The following NALF1 variants were observed in gnomAD, a reference collection of about 807,000 sequenced individuals.
NALF1 encodes NALCN channel auxiliary factor 1, also known as family with sequence similarity 155 member A.
NALF1 carries 3 observed loss-of-function variants against 48.4 expected under a neutral mutation model. The observed-to-expected ratio is 0.06, with a 90% CI of 0.03 to 0.16. NALF1 has a LOEUF of 0.16. Among genes scored for constraint, NALF1 ranks in the 10% least tolerant of loss-of-function variants. NALF1 has a pLI of 1.00. For missense variants in NALF1, 526 were observed against 571.5 expected (o/e 0.92, Z 0.81); for synonymous variants, 262 against 245.7 (o/e 1.07, Z -0.62).
chr13:107,218,496 A>G lies in NALF1; in HGVS notation c.916-7741T>C, dbSNP rs367627134. 2.8e-4 allele frequency among the ~76,000 whole-genome samples: 43 copies of G among 152,240 alleles called. No homozygotes were observed. The East Asian group carries it at 6.8e-3, about 24-fold the overall frequency. ...GAGAGCCAGTCCACCTGGCCCTGAG[A>G]TCCTGCCCAGAGCAGAGACTCAAAC... On this transcript the variant is annotated intron_variant, in intron 1 of 2. Transcript: ENST00000375915.
chr13:107,420,898 GC>G (rs1382749588), intron 1 of NALF1, among the ~76,000 whole-genome samples: 2 of 151,948 alleles, frequency 1.3e-5, no homozygotes, highest in Admixed American at 1.3e-4. Context: ...ATAACTTCTT[GC>G]TTTTCATGTT....
In NALF1 at chr13:107,163,765, T is replaced by G. The variant is rs1878605412; in HGVS notation, c.*6732A>C. 6.6e-6 allele frequency: 1 copy of G among 152,050 alleles called. No homozygotes were observed. Among genetic ancestry groups the G allele is most frequent in the Non-Finnish European group, 1.5e-5 (1 of 68,016 alleles). The allele number at this position is 152,050 out of a possible 1,614,324, so 9.4% of individuals were successfully genotyped here. A position where few individuals can be genotyped will look rare whatever the true frequency, so the allele number is the denominator to read the frequency against. On this transcript the variant is annotated 3_prime_UTR_variant, in exon 3 of 3. Coordinates refer to ENST00000375915, the MANE Select transcript of NALF1 (RefSeq NM_001080396.3). ...TATACAGTCCTTCCTACTTTTAATA[T>G]GCCACACAACATCAACAAATCTAAG...
intron 1 of NALF1, among the ~76,000 whole-genome samples, chr13:107,546,585 AAT>A (rs1189611038): frequency 6.6e-6 from 1 of 152,010 alleles, no homozygotes; most frequent in Non-Finnish European, 1.5e-5. Flanking sequence ...TGCTAATACA[AAT>A]CAATATTTCT....
At position 107,336,368 on chromosome 13, in the gene NALF1, G is replaced by A. The variant is rs575961972; in HGVS notation, c.916-125613C>T. On this transcript the variant is annotated intron_variant, in intron 1 of 2. Transcript: ENST00000375915. Reference sequence around the variant, plus strand: ...ACTCTGTCTCGATGATGATGATGATGATAATAATAATAATAATAATAATAA... The same window carrying A: ...ACTCTGTCTCGATGATGATGATGATAATAATAATAATAATAATAATAATAA... Among the ~76,000 whole-genome samples the A allele has an allele frequency of 2.7e-4, 35 of 127,296 alleles. No individual in the cohort carries two copies. The East Asian group carries it at 7.8e-3, about 28-fold the overall frequency. 83.5% of individuals were successfully genotyped at this position (127,296 alleles called of 152,430 possible).
At chr13:107,360,026 C>A (rs1883033901) in intron 1 of NALF1, among the ~76,000 whole-genome samples, 1 of 152,072 alleles carries the variant, frequency 6.6e-6, no homozygotes, top group African/African-American at 2.4e-5. Flanking sequence ...TATTGCAAAG[C>A]CATGAGAATT....
intron 1 of NALF1, among the ~76,000 whole-genome samples, chr13:107,349,836 A>G (rs937999442): frequency 2.0e-5 from 3 of 151,560 alleles, no homozygotes; most frequent in Middle Eastern, 3.5e-3. Context: ...TTTAGGTTTT[A>G]TGTGTATCCC....
chr13:107,449,456 T>C (rs955211340), intron 1 of NALF1, among the ~76,000 whole-genome samples: 6 of 152,070 alleles, frequency 3.9e-5, no homozygotes, highest in African/African-American at 1.2e-4. Context: ...GCAAAGGGTG[T>C]ATTTGGACGA....
At chr13:107,771,873 A>C (rs1031924232) in intron 1 of NALF1, among the ~76,000 whole-genome samples, 3 of 151,906 alleles carry the variant, frequency 2.0e-5, no homozygotes, top group Admixed American at 6.6e-5. Flanking sequence ...AGTAGTTGGG[A>C]CTACAGGCAC....
At chr13:107,679,796 C>T (rs1057296914) in intron 1 of NALF1, among the ~76,000 whole-genome samples, 3 of 152,184 alleles carry the variant, frequency 2.0e-5, no homozygotes, top group African/African-American at 7.2e-5. Flanking sequence ...CTCCACCCAG[C>T]ACACTGCCAC....
At chr13:107,213,541 T>A (rs1021329561) in intron 1 of NALF1, among the ~76,000 whole-genome samples, 5 of 152,162 alleles carry the variant, frequency 3.3e-5, no homozygotes, top group Admixed American at 6.5e-5. Flanking sequence ...GGGGAAACCA[T>A]GTGAGCTGAA....
At chr13:107,423,918 A>G (rs2139010900) in intron 1 of NALF1, among the ~76,000 whole-genome samples, 1 of 152,172 alleles carries the variant, frequency 6.6e-6, no homozygotes, top group East Asian at 1.9e-4. Flanking sequence ...TACTTGCAAG[A>G]CATTTTTTGC....
At chr13:107,298,809 T>G (rs1220741151) in intron 1 of NALF1, among the ~76,000 whole-genome samples, 5 of 152,214 alleles carry the variant, frequency 3.3e-5, no homozygotes, top group Admixed American at 3.3e-4. Flanking sequence ...GTCCAGAATT[T>G]TTAAATATAC....
At chr13:107,739,427 A>G (rs1448143594) in intron 1 of NALF1, among the ~76,000 whole-genome samples, 1 of 147,344 alleles carries the variant, frequency 6.8e-6, no homozygotes, top group Non-Finnish European at 1.5e-5. Flanking sequence ...TATAACATAT[A>G]AAATATATAA....
intron 1 of NALF1, among the ~76,000 whole-genome samples, chr13:107,263,249 G>GACACACACACACACACAC (rs34637583): frequency 3.0e-4 from 42 of 138,462 alleles, no homozygotes; most frequent in Non-Finnish European, 1.1e-4. Flanking sequence ...AATGCTAACA[G>GACACACACACACACACAC]ACACACACAC....
rs189404565 is a variant in NALF1, at chr13:107,827,611, T to C, written c.915+38071A>G. Reference sequence around the variant, plus strand: ...GGCACCAGCCACCTCTAGATCAATTTCGTTCCGTCTGCTTTTAAATAATCG... The same window carrying C: ...GGCACCAGCCACCTCTAGATCAATTCCGTTCCGTCTGCTTTTAAATAATCG... On this transcript the variant is annotated intron_variant, in intron 1 of 2. Transcript: ENST00000375915. 3.3e-5 allele frequency among the ~76,000 whole-genome samples: 5 copies of C among 152,368 alleles called. No homozygotes were observed. In the East Asian group the frequency reaches 9.6e-4, roughly 29 times the overall value.
intron 1 of NALF1, among the ~76,000 whole-genome samples, chr13:107,798,988 T>C (rs1172403241): frequency 6.6e-6 from 1 of 152,232 alleles, no homozygotes; most frequent in Admixed American, 6.5e-5. Flanking sequence ...AGTCTCATTT[T>C]AGAGAAATAC....
At chr13:107,339,517 C>T in intron 1 of NALF1, among the ~76,000 whole-genome samples, 1 of 151,874 alleles carries the variant, frequency 6.6e-6, no homozygotes, top group South Asian at 2.1e-4. Context: ...AGTGATGCTG[C>T]TAGTTCGTAG....
chr13:107,513,860 C>T (rs1433348457), intron 1 of NALF1, among the ~76,000 whole-genome samples: 1 of 152,184 alleles, frequency 6.6e-6, no homozygotes, highest in African/African-American at 2.4e-5. Context: ...CGCTATTTGC[C>T]TAAAAGCAGG....
At chr13:107,635,114 A>G (rs1216144743) in intron 1 of NALF1, among the ~76,000 whole-genome samples, 1 of 152,154 alleles carries the variant, frequency 6.6e-6, no homozygotes, top group African/African-American at 2.4e-5. Context: ...TTCCCTCTAT[A>G]AACTGGTGGG....
Sources: gnomAD v4.1 joint callset for allele counts (sites outside exome capture counted in the v4.1 genomes callset) on GRCh38, gnomAD v4.1.1 for gene constraint, MANE v1.5 for transcripts, NCBI Gene and HGNC (gene_info 2026-07-23, HGNC 2026-07-21) for gene names.